BIVM: variants seen among roughly 807,000 people sequenced by gnomAD.
BIVM encodes the protein basic, immunoglobulin-like variable motif containing, also known as basic immunoglobulin-like variable motif-containing protein.
A neutral mutation model predicts 61.4 loss-of-function variants in BIVM; 31 were observed. The ratio of observed to expected loss-of-function variants is 0.51; its 90% confidence interval spans 0.38 to 0.68. The LOEUF (loss-of-function observed/expected upper bound fraction) is 0.68. Among genes scored for constraint, BIVM ranks in the 30% least tolerant of loss-of-function variants. The pLI is 0.00. For synonymous variants in BIVM, 189 were observed against 210.7 expected (o/e 0.90, Z 0.89); for missense variants, 526 against 596.0 (o/e 0.88, Z 1.22).
chr13:102,838,465 G>C (rs1205473010), intron 9 of BIVM, among the ~76,000 whole-genome samples, 178 bp from the exon 10 acceptor site: 3 of 152,196 alleles, frequency 2.0e-5, no homozygotes, highest in African/African-American at 7.2e-5. Flanking sequence ...TGGATAAACA[G>C]AATTGTCATA....
Position 102,839,869 on chromosome 13 carries a change from T to C in BIVM, c.*4T>C, listed in dbSNP as rs753692775. The C allele has an allele frequency of 1.9e-6, 3 of 1,606,346 alleles. No homozygotes were observed. The Admixed American group carries it at 5.0e-5, about 27-fold the overall frequency. On this transcript the variant is annotated 3_prime_UTR_variant, in exon 11 of 11. Transcript: ENST00000257336. ...TGATTACGATGGGAATGATTGACTA[T>C]GCTTGCTACTGAACAGCTGGCATTA...
chr13:102,830,140 A>T (rs540888894), intron 7 of BIVM, among the ~76,000 whole-genome samples: 31 of 152,160 alleles, frequency 2.0e-4, no homozygotes, highest in African/African-American at 6.0e-4. Context: ...CTCAAACCTG[A>T]TGTGCTCTTT....
At chr13:102,813,024 G>A (rs934169398) in intron 3 of BIVM, among the ~76,000 whole-genome samples, 1 of 152,200 alleles carries the variant, frequency 6.6e-6, no homozygotes, top group African/African-American at 2.4e-5. Context: ...CTTGCTATGT[G>A]CTGAAATTGA....
intron 7 of BIVM, 129 bp downstream of exon 7, chr13:102,822,288 G>T: frequency 1.2e-6 from 1 of 819,354 alleles, no homozygotes; most frequent in Non-Finnish European, 1.9e-6. Flanking sequence ...TAAACCCTCA[G>T]CACAGTCTGT....
At chr13:102,827,829 C>CGGTA (rs1880781133) in intron 7 of BIVM, among the ~76,000 whole-genome samples, 1 of 152,170 alleles carries the variant, frequency 6.6e-6, no homozygotes, top group South Asian at 2.1e-4. Context: ...GGTATTCAGG[C>CGGTA]GGTAGGGTGG....
intron 9 of BIVM, among the ~76,000 whole-genome samples, chr13:102,836,008 T>C (rs995619373): frequency 6.6e-6 from 1 of 152,236 alleles, no homozygotes; most frequent in Non-Finnish European, 1.5e-5. Context: ...AAGTCACTTT[T>C]GTTGTACAAG....
intron 3 of BIVM, among the ~76,000 whole-genome samples, chr13:102,814,246 T>C (rs1378626700): frequency 6.6e-6 from 1 of 152,294 alleles, no homozygotes; most frequent in Non-Finnish European, 1.5e-5. Context: ...CAGGTGTTGC[T>C]CTTCTATGTT....
rs764914763 is a variant in BIVM at position 102,822,083 on chromosome 13, T to C, written c.825T>C (p.Asn275=). 2 of 1,613,858 alleles carry C rather than the reference T, an allele frequency of 1.2e-6. No individual in the cohort carries two copies. Among genetic ancestry groups the C allele is most frequent in the African/African-American group, 2.7e-5 (2 of 74,936 alleles). ...CTTTCAGGTGGTTTAGACAAATTAA[T>C]GACCACTTCCATGTAAAAGGATGCT... ...TTLMRWFRQI[N]DHFHVKGCSY... Residue 275 remains asparagine, a synonymous_variant, in exon 7 of 11, where the codon AAT becomes AAC. Transcript: ENST00000257336.
intron 4 of BIVM, among the ~76,000 whole-genome samples, chr13:102,817,891 T>C (rs182576804): frequency 6.6e-6 from 1 of 152,312 alleles, no homozygotes; most frequent in Non-Finnish European, 1.5e-5. Context: ...ATCACTTATT[T>C]AATAAATATT....
At chr13:102,828,899 G>A (rs769840741) in intron 7 of BIVM, among the ~76,000 whole-genome samples, 52 of 152,068 alleles carry the variant, frequency 3.4e-4, no homozygotes, top group East Asian at 3.9e-4. Context: ...GCATGGTGGC[G>A]TGCACCTGTA....
chr13:102,805,762 G>A (rs945712711), intron 2 of BIVM, among the ~76,000 whole-genome samples: 2 of 151,740 alleles, frequency 1.3e-5, no homozygotes, highest in African/African-American at 4.8e-5. Context: ...ACACTATCTG[G>A]TCCTTTGTGA....
At chr13:102,831,433 G>C (rs72653693) in intron 7 of BIVM, 132 bp from the exon 8 acceptor site, 421,379 of 1,375,508 alleles carry the variant, frequency 0.31, 66,099 homozygotes, top group Admixed American at 0.4. Flanking sequence ...ATAGCTTCTT[G>C]TTTTTCCCCA....
At chr13:102,821,634 T>C (rs1381488619) in intron 5 of BIVM, 109 bp from the exon 6 acceptor site, 1 of 862,668 alleles carries the variant, frequency 1.2e-6, no homozygotes, top group African/African-American at 1.8e-5. Flanking sequence ...TAATGAAAAA[T>C]ATTACTAATA....
chr13:102,818,134 G>T (rs1880000945), intron 4 of BIVM, among the ~76,000 whole-genome samples: 1 of 152,180 alleles, frequency 6.6e-6, no homozygotes, highest in South Asian at 2.1e-4. Flanking sequence ...GGGTTGGAGG[G>T]TGAAGGGTCT....
Position 102,830,502 on chromosome 13 carries a change from T to C in BIVM, c.902-1063T>C, listed in dbSNP as rs182301246. Among the ~76,000 whole-genome samples the C allele has an allele frequency of 3.3e-3, 500 of 152,332 alleles. 2 individuals are homozygous for C. The highest frequency in any genetic ancestry group is 5.7e-3 in the Non-Finnish European group (387 of 68,026). On this transcript the variant is annotated intron_variant, in intron 7 of 10. Transcript: ENST00000257336. Reference sequence around the variant, plus strand: ...AGTGCTGGTGAAAAGTCATTTCTTATGGTAATACTTTTGAAATTGACCACT... The same window carrying C: ...AGTGCTGGTGAAAAGTCATTTCTTACGGTAATACTTTTGAAATTGACCACT...
chr13:102,802,007 C>CTA (rs1878781461), intron 1 of BIVM, among the ~76,000 whole-genome samples: 1 of 152,156 alleles, frequency 6.6e-6, no homozygotes, highest in African/African-American at 2.4e-5. Flanking sequence ...CCAGATAGAT[C>CTA]TAGGGACCAT....
intron 4 of BIVM, 105 bp from the exon 5 acceptor site, chr13:102,820,932 A>C: frequency 9.6e-7 from 1 of 1,042,128 alleles, no homozygotes; most frequent in Non-Finnish European, 1.4e-6. Context: ...TTAGGGGATC[A>C]AAGTTTTCAT....
chr13:102,838,484 A>C (rs1175315482), intron 9 of BIVM, among the ~76,000 whole-genome samples, 159 bp from the exon 10 acceptor site: 2 of 152,226 alleles, frequency 1.3e-5, no homozygotes. Context: ...TAAAACTAGA[A>C]GTTATTACAG....
chr13:102,836,362 G>A (rs1049846717), intron 9 of BIVM, among the ~76,000 whole-genome samples: 4 of 152,136 alleles, frequency 2.6e-5, no homozygotes, highest in Non-Finnish European at 1.5e-5. Flanking sequence ...ACCCAGGCCA[G>A]AGAACAGCGG....
Sources: gnomAD v4.1 joint callset for allele counts (sites outside exome capture counted in the v4.1 genomes callset) on GRCh38, gnomAD v4.1.1 for gene constraint, MANE v1.5 for transcripts, NCBI Gene and HGNC (gene_info 2026-07-23, HGNC 2026-07-21) for gene names.